Variants in MPDZ observed in about 807,000 individuals in gnomAD.
MPDZ encodes the protein multiple PDZ domain crumbs cell polarity complex component, also known as multiple PDZ domain protein.
Under a neutral mutation model 239.1 loss-of-function variants are expected in MPDZ, and 234 were observed. The ratio of observed to expected loss-of-function variants is 0.98; its 90% CI spans 0.88 to 1.09. MPDZ has a LOEUF of 1.09. MPDZ is among the 50% of genes least tolerant of loss of function. The pLI, the probability that MPDZ is intolerant of heterozygous loss-of-function variation, is 0.00. For synonymous variants in MPDZ, 1,048 were observed against 881.3 expected (o/e 1.19, Z -3.35); for missense variants, 3,175 against 2,510.0 (o/e 1.26, Z -5.66).
In MPDZ at chr9:13,106,911, C is replaced by G; in HGVS notation, c.*54G>C. The stretch of plus-strand genomic sequence containing the variant: ...AAAATTGTCAGGACCAGTGCATTCT[C>G]TTTACAGTAGGAGGTGAGCTAGGGG... On this transcript the variant is annotated 3_prime_UTR_variant, in exon 47 of 47. Coordinates refer to ENST00000319217, the MANE Select transcript of MPDZ (RefSeq NM_001378778.1). The G allele has an allele frequency of 6.3e-7, 1 of 1,595,702 alleles. No individual in the cohort carries two copies. Among genetic ancestry groups the G allele is most frequent in the Non-Finnish European group, 8.6e-7 (1 of 1,165,358 alleles).
intron 10 of MPDZ, among the ~76,000 whole-genome samples, chr9:13,206,838 G>C (rs900545926): frequency 2.0e-5 from 3 of 151,942 alleles, no homozygotes; most frequent in Admixed American, 1.3e-4. Flanking sequence ...CACTGCACCC[G>C]GCCTACTTTT....
At chr9:13,207,428 G>A (rs915292605) in intron 10 of MPDZ, among the ~76,000 whole-genome samples, 6 of 152,082 alleles carry the variant, frequency 3.9e-5, no homozygotes, top group Admixed American at 1.3e-4. Flanking sequence ...CAGCCACAGA[G>A]GGCTCACTTC....
rs577841638 is a variant in MPDZ at position 13,154,834 on chromosome 9, T to C, written c.3452+3184A>G. 3.6e-3 allele frequency among the ~76,000 whole-genome samples: 548 copies of C among 152,168 alleles called. 1 individual carries two copies. The highest frequency in any genetic ancestry group is 6.9e-3 in the Non-Finnish European group (466 of 67,994). Reference sequence around the variant, plus strand: ...AGAGTACCATTTTCCACCCATTAGATTGACAAAAAACTTTTTAAAAAATGA... The same window carrying C: ...AGAGTACCATTTTCCACCCATTAGACTGACAAAAAACTTTTTAAAAAATGA... On this transcript the variant is annotated intron_variant, in intron 24 of 46. Transcript: ENST00000319217.
chr9:13,253,207 CA>C (rs1271435211), intron 1 of MPDZ, among the ~76,000 whole-genome samples: 1 of 112,048 alleles, frequency 8.9e-6, no homozygotes, highest in Non-Finnish European at 1.8e-5. Flanking sequence ...TTTCTTCCCC[CA>C]AAAAATACAC....
At chr9:13,224,994 A>T (rs772248066) in intron 3 of MPDZ, among the ~76,000 whole-genome samples, 31 of 152,118 alleles carry the variant, frequency 2.0e-4, no homozygotes, top group Non-Finnish European at 4.0e-4. Flanking sequence ...GGTGGGCCCC[A>T]AGGCCACATG....
intron 42 of MPDZ, among the ~76,000 whole-genome samples, 190 bp downstream of exon 42, chr9:13,112,821 A>G (rs1182213624): frequency 4.6e-5 from 7 of 152,164 alleles, no homozygotes; most frequent in Non-Finnish European, 1.5e-5. Context: ...GCAAACAACG[A>G]TTTTTCAAAT....
Position 13,224,525 on chromosome 9 carries a change from C to A in MPDZ, c.242G>T (p.Ser81Ile). 6.2e-7 allele frequency: 1 copy of A among 1,612,670 alleles called. No individual in the cohort carries two copies. The highest frequency in any genetic ancestry group is 8.5e-7 in the Non-Finnish European group (1 of 1,179,196). ...NIEYAHVPHL[S>I]PAVIPTLQNE... ...TTGCAGAGTAGGAATCACAGCTGGG[C>A]TGAGATGAGGAACGTGGGCATATTC... The change falls in exon 4 of 47, where the codon AGC (serine) becomes ATC (isoleucine). Residue 81 changes from serine to isoleucine, a missense_variant. Ser to Ile is a moderately radical substitution (Grantham distance 142). Coordinates refer to ENST00000319217, the MANE Select transcript of MPDZ (RefSeq NM_001378778.1).
intron 24 of MPDZ, among the ~76,000 whole-genome samples, chr9:13,151,729 T>C (rs892064907): frequency 6.6e-6 from 1 of 152,056 alleles, no homozygotes; most frequent in African/African-American, 2.4e-5. Context: ...GTGGTGACTG[T>C]AGAGCAATGT....
At chr9:13,234,831 T>C (rs1265488586) in intron 3 of MPDZ, among the ~76,000 whole-genome samples, 1 of 151,850 alleles carries the variant, frequency 6.6e-6, no homozygotes, top group Non-Finnish European at 1.5e-5. Flanking sequence ...TTTTTTTTAA[T>C]CATGCACCTT....
At position 13,176,416 on chromosome 9, in the gene MPDZ, T is replaced by A. The variant is rs1380609358; in HGVS notation, c.2651A>T (p.Asp884Val). 2.6e-6 allele frequency: 4 copies of A among 1,542,128 alleles called. No individual in the cohort carries two copies. Among genetic ancestry groups the A allele is most frequent in the Non-Finnish European group, 3.5e-6 (4 of 1,143,460 alleles). ...GSSLPSSPPK[D>V]VIENSCDPVL... ...TGGATCACAAGAATTTTCAATAACATCCTGGTAGTTAAAAAACAACAACAA... is the reference window on the plus strand; with the variant it reads ...TGGATCACAAGAATTTTCAATAACAACCTGGTAGTTAAAAAACAACAACAA... Residue 884 changes from aspartate to valine, a missense_variant and splice_region_variant, in exon 20 of 47, where the codon GAT becomes GTT. Asp to Val is a radical substitution (Grantham distance 152, BLOSUM62 -3). Transcript: ENST00000319217.
intron 18 of MPDZ, among the ~76,000 whole-genome samples, chr9:13,185,046 C>T (rs958318732): frequency 2.0e-5 from 3 of 151,906 alleles, no homozygotes; most frequent in Non-Finnish European, 4.4e-5. Context: ...TATTTGTATC[C>T]TGTGACATTT....
At chr9:13,132,250 C>G (rs1033624808) in intron 32 of MPDZ, among the ~76,000 whole-genome samples, 5 of 152,154 alleles carry the variant, frequency 3.3e-5, no homozygotes, top group African/African-American at 9.7e-5. Context: ...CTCATTAGCT[C>G]ATCCAATCCC....
intron 22 of MPDZ, chr9:13,165,448 G>A (rs912615461): frequency 2.6e-6 from 4 of 1,546,490 alleles, no homozygotes; most frequent in African/African-American, 2.7e-5. Context: ...TTTTTACAAT[G>A]GTGTTAACAA....
intron 3 of MPDZ, among the ~76,000 whole-genome samples, chr9:13,233,360 A>G (rs1963066472): frequency 6.6e-6 from 1 of 152,146 alleles, no homozygotes; most frequent in South Asian, 2.1e-4. Context: ...TACTACACAT[A>G]CAATACAAAT....
At position 13,185,375 on chromosome 9, in the gene MPDZ, C is replaced by T. The variant is rs114182590; in HGVS notation, c.2481+895G>A. 9.3e-3 allele frequency among the ~76,000 whole-genome samples: 1,409 copies of T among 152,078 alleles called. 9 individuals carry two copies. Among genetic ancestry groups the T allele is most frequent in the African/African-American group, 0.024 (991 of 41,510 alleles). On this transcript the variant is annotated intron_variant, in intron 18 of 46. Coordinates refer to ENST00000319217, the MANE Select transcript of MPDZ (RefSeq NM_001378778.1). ...TCACTCTGTTTTAAAGCAAGATGTGCGCAGTTATAAACACATAATGAAGAA... is the reference window on the plus strand; with the variant it reads ...TCACTCTGTTTTAAAGCAAGATGTGTGCAGTTATAAACACATAATGAAGAA...
At chr9:13,207,454 C>A (rs1291606378) in intron 10 of MPDZ, among the ~76,000 whole-genome samples, 2 of 152,196 alleles carry the variant, frequency 1.3e-5, no homozygotes, top group Non-Finnish European at 2.9e-5. Context: ...CTCTGACTTG[C>A]AGTTCTCTCT....
At chr9:13,191,438 A>G (rs1954918842) in intron 15 of MPDZ, among the ~76,000 whole-genome samples, 1 of 152,198 alleles carries the variant, frequency 6.6e-6, no homozygotes, top group Non-Finnish European at 1.5e-5. Context: ...GTATCCTCAG[A>G]AAAGCTGATT....
At chr9:13,228,027 G>T (rs937028346) in intron 3 of MPDZ, among the ~76,000 whole-genome samples, 5 of 152,068 alleles carry the variant, frequency 3.3e-5, no homozygotes, top group Non-Finnish European at 2.9e-5. Context: ...GCCTTGATAG[G>T]TCTGTTCATA....
rs1430767263 is a variant in MPDZ, at chr9:13,108,980, G to A, written c.6022C>T (p.Pro2008Ser). Residue 2008 changes from proline (P) to serine (S), a missense_variant, in exon 46 of 47, where the codon CCT (proline) becomes TCT (serine). By Grantham distance (74) the Pro-to-Ser change is moderately conservative. Transcript: ENST00000319217. ...ACATAAATGGGTAAGTCTCCATGAG[G>A]GCTGCCATATCCTCCAACTATACTG... ...GFSIVGGYGS[P>S]HGDLPIYVKT... 6.2e-7 allele frequency: 1 copy of A among 1,607,896 alleles called. No individual in the cohort carries two copies. The highest frequency in any genetic ancestry group is 1.1e-5 in the South Asian group (1 of 89,910).
Sources: allele counts gnomAD v4.1 joint callset (sites outside exome capture counted in the v4.1 genomes callset), GRCh38; gene constraint gnomAD v4.1.1; transcripts MANE v1.5; gene names NCBI Gene and HGNC (gene_info 2026-07-23, HGNC 2026-07-21).